DLD: variants seen among roughly 807,000 people sequenced by gnomAD.
DLD encodes dihydrolipoyl dehydrogenase, mitochondrial.
In DLD, 36 loss-of-function variants were observed where a neutral mutation model predicts 62.2. The ratio of observed to expected loss-of-function variants is 0.58; its 90% CI spans 0.44 to 0.76. The LOEUF (loss-of-function observed/expected upper bound fraction) is 0.76, where lower values mean the gene tolerates loss of function less well. DLD is among the 30% of genes least tolerant of loss of function. The probability of loss-of-function intolerance (pLI) is 0.00; values close to 1 mark genes in which losing one functional copy is unlikely to be tolerated. For synonymous variants in DLD, 204 were observed against 199.6 expected (o/e 1.02, Z -0.19); for missense variants, 541 against 608.6 (o/e 0.89, Z 1.17).
chr7:107,920,809 C>A lies in DLD; in HGVS notation c.*1550C>A, dbSNP rs2032392445. ...GCCAGTGCTGTTCACTTTTTAAGTGCCAACTTCCCTCTACTTTCCACTTGT... is the reference window on the plus strand; with the variant it reads ...GCCAGTGCTGTTCACTTTTTAAGTGACAACTTCCCTCTACTTTCCACTTGT... On this transcript the variant is annotated 3_prime_UTR_variant, in exon 14 of 14. Transcript: ENST00000205402. The A allele has an allele frequency of 6.6e-6, 1 of 152,190 alleles. No homozygotes were observed. The highest frequency in any genetic ancestry group is 1.9e-4 in the East Asian group (1 of 5,202). 9.4% of individuals were successfully genotyped at this position (152,190 alleles called of 1,614,324 possible).
intron 2 of DLD, among the ~76,000 whole-genome samples, chr7:107,898,657 C>A (rs2031797464): frequency 6.8e-6 from 1 of 147,826 alleles, no homozygotes; most frequent in Non-Finnish European, 1.5e-5. Flanking sequence ...GTGGCGTGAT[C>A]TCGGCTCACT....
chr7:107,901,866 G>A, intron 3 of DLD, 49 bp downstream of exon 3: 2 of 1,482,578 alleles, frequency 1.3e-6, no homozygotes, highest in Non-Finnish European at 9.4e-7. Context: ...ATTTGGGAAG[G>A]GTTGATCATA....
intron 2 of DLD, among the ~76,000 whole-genome samples, chr7:107,896,505 G>A (rs1210897972): frequency 2.0e-5 from 3 of 152,176 alleles, no homozygotes; most frequent in African/African-American, 7.2e-5. Context: ...ACCCAGGTCT[G>A]TTTTACTTCA....
intron 2 of DLD, among the ~76,000 whole-genome samples, chr7:107,900,116 T>G (rs1241628506): frequency 6.6e-6 from 1 of 152,174 alleles, no homozygotes; most frequent in Admixed American, 6.5e-5. Flanking sequence ...ACATATTTTT[T>G]CATGTATTAT....
rs1024935993 is a variant in DLD, at chr7:107,915,488, T to G, written c.685-18T>G. 8.1e-6 allele frequency: 13 copies of G among 1,613,122 alleles called. No homozygotes were observed. The highest frequency in any genetic ancestry group is 1.0e-5 in the Non-Finnish European group (12 of 1,179,524). Reference sequence around the variant, plus strand: ...TAGAAACTTTTATGATTATTGGGTTTTTTTAATTTATTTGCAGGGTTCAGT... The same window carrying G: ...TAGAAACTTTTATGATTATTGGGTTGTTTTAATTTATTTGCAGGGTTCAGT... On this transcript the variant is annotated intron_variant, in intron 8 of 13. Transcript: ENST00000205402.
chr7:107,905,811 C>T (rs2031991679), intron 7 of DLD: 1 of 382,748 alleles, frequency 2.6e-6, no homozygotes, highest in Non-Finnish European at 4.8e-6. Flanking sequence ...TATATAGATA[C>T]CTCAAAACAA....
Position 107,919,242 on chromosome 7 carries a change from A to C in DLD, c.1513A>C (p.Lys505Gln), listed in dbSNP as rs2032349999. 6.2e-7 allele frequency: 1 copy of C among 1,611,902 alleles called. No individual in the cohort carries two copies. The highest frequency in any genetic ancestry group is 1.1e-5 in the South Asian group (1 of 90,872). ...REANLAASFG[K>Q]SINF ...AGCAAATCTTGCTGCGTCATTTGGC[A>C]AATCAATCAACTTTTGAATTAGAAG... Residue 505 changes from lysine to glutamine, a missense_variant, in exon 14 of 14, where the codon AAA becomes CAA. Coordinates refer to ENST00000205402, the MANE Select transcript of DLD (RefSeq NM_000108.5).
At chr7:107,908,860 G>A (rs996529451) in intron 8 of DLD, among the ~76,000 whole-genome samples, 1 of 152,058 alleles carries the variant, frequency 6.6e-6, no homozygotes, top group Admixed American at 6.5e-5. Context: ...TAAGACCAAA[G>A]CTCCTTGAAG....
At position 107,917,257 on chromosome 7, in the gene DLD, TTGATTTCTG is replaced by T. The variant is rs1462836154; in HGVS notation, c.1047-13_1047-5del. 3 of 1,613,932 alleles carry T rather than the reference TTGATTTCTG, an allele frequency of 1.9e-6. No homozygotes were observed. In the East Asian group the frequency reaches 6.7e-5, roughly 36 times the overall value. On this transcript the variant is annotated splice_region_variant and splice_polypyrimidine_tract_variant and intron_variant, in intron 10 of 13. Transcript: ENST00000205402. ...ATTTCAGAAATTCATTGTGTTTCTTTTGATTTCTGTGGTAGTATCTATGCCATTGGTGAT... is the reference window on the plus strand; with the variant it reads ...ATTTCAGAAATTCATTGTGTTTCTTTTGGTAGTATCTATGCCATTGGTGAT...
chr7:107,906,197 T>G, intron 7 of DLD, 70 bp from the exon 8 acceptor site: 1 of 944,546 alleles, frequency 1.1e-6, no homozygotes, highest in South Asian at 1.4e-5. Context: ...TTGGAACCCA[T>G]GGATATGGAG....
chr7:107,915,757 G>T, intron 9 of DLD, 61 bp downstream of exon 9: 6 of 1,483,994 alleles, frequency 4.0e-6, no homozygotes, highest in Non-Finnish European at 5.6e-6. Context: ...AAACACTCAA[G>T]TTTCAAAATC....
At position 107,919,343 on chromosome 7, in the gene DLD, C is replaced by A; in HGVS notation, c.*84C>A. On this transcript the variant is annotated 3_prime_UTR_variant, in exon 14 of 14. Coordinates refer to ENST00000205402, the MANE Select transcript of DLD (RefSeq NM_000108.5). The stretch of plus-strand genomic sequence containing the variant: ...ATTCCTGAACAGGATATTCTCACAG[C>A]TCCAAGAATTTCTAGGACTGAATTA... The A allele has an allele frequency of 8.9e-7, 1 of 1,128,824 alleles. No individual in the cohort carries two copies. The highest frequency in any genetic ancestry group is 1.3e-6 in the Non-Finnish European group (1 of 768,764). The allele number at this position is 1,128,824 out of a possible 1,614,324, so 69.9% of individuals were successfully genotyped here. A position where few individuals can be genotyped will look rare whatever the true frequency, so the allele number is the denominator to read the frequency against.
At chr7:107,891,462 G>C (rs1465374632) in intron 1 of DLD, 173 bp downstream of exon 1, 6 of 714,780 alleles carry the variant, frequency 8.4e-6, no homozygotes, top group Non-Finnish European at 1.5e-5. Flanking sequence ...CGAGGTGGCC[G>C]CTCATCCTGC....
At chr7:107,905,625 CAT>C in intron 7 of DLD, 121 bp downstream of exon 7, 1 of 1,135,028 alleles carries the variant, frequency 8.8e-7, no homozygotes, top group Non-Finnish European at 1.3e-6. Context: ...TTTTGATGGT[CAT>C]TCAGCTTTGG....
intron 12 of DLD, 96 bp downstream of exon 12, chr7:107,918,157 C>T: frequency 7.1e-7 from 1 of 1,416,280 alleles, no homozygotes; most frequent in Non-Finnish European, 9.9e-7. Context: ...TGAGGTTGCT[C>T]ATTTCCAGCA....
intron 8 of DLD, among the ~76,000 whole-genome samples, chr7:107,913,537 A>G (rs925969259): frequency 1.3e-5 from 2 of 149,552 alleles, no homozygotes. Context: ...TAGATTGTCC[A>G]CTGTTGGTGT....
intron 2 of DLD, among the ~76,000 whole-genome samples, chr7:107,894,061 G>A (rs780042150): frequency 6.6e-6 from 1 of 152,076 alleles, no homozygotes; most frequent in Non-Finnish European, 1.5e-5. Context: ...GGAAGCTATG[G>A]GTCATGGAAT....
rs745988962 is a variant in DLD at position 107,916,880 on chromosome 7, A to G, written c.962A>G (p.Asn321Ser). Residue 321 changes from asparagine to serine, a missense_variant, in exon 10 of 14, where the codon AAT (asparagine) becomes AGT (serine). Asn to Ser is a conservative substitution (Grantham distance 46). Transcript: ENST00000205402. ...VCIGRRPFTK[N>S]LGLEELGIEL... ...ATTGGCCGACGACCCTTTACTAAGA[A>G]TTTGGGACTAGAAGAGCTGGGAATT... 1.2e-6 allele frequency: 2 copies of G among 1,613,704 alleles called. No individual in the cohort carries two copies. The highest frequency in any genetic ancestry group is 8.5e-7 in the Non-Finnish European group (1 of 1,179,978).
chr7:107,903,532 T>A lies in DLD; in HGVS notation c.322T>A (p.Ser108Thr), dbSNP rs758078257. Residue 108 changes from serine to threonine, a missense_variant, in exon 5 of 14, where the codon TCT (serine) becomes ACT (threonine). Transcript: ENST00000205402. ...TATGGCCCATGGAAAAGATTTTGCA[T>A]CTAGAGGAATTGAAAGTAAGTATAC... is the stretch of plus-strand genomic sequence containing the variant. ...YHMAHGKDFA[S>T]RGIEMSEVRL... 1 of 1,593,764 alleles carries A rather than the reference T, an allele frequency of 6.3e-7. No individual in the cohort carries two copies. Among genetic ancestry groups the A allele is most frequent in the Non-Finnish European group, 8.6e-7 (1 of 1,162,176 alleles).
Sources: allele counts gnomAD v4.1 joint callset (sites outside exome capture counted in the v4.1 genomes callset), GRCh38; gene constraint gnomAD v4.1.1; transcripts MANE v1.5; gene names NCBI Gene and HGNC (gene_info 2026-07-23, HGNC 2026-07-21).